The following CENPO variants were observed in gnomAD, a reference collection of about 807,000 sequenced individuals.
CENPO encodes centromere protein O, also known as centromeric protein O.
In CENPO, 30 loss-of-function variants were observed where a neutral mutation model predicts 36.1. The observed-to-expected ratio is 0.83, with a 90% CI of 0.62 to 1.13. The LOEUF is 1.13. CENPO is among the 50% of genes most tolerant of loss of function. The pLI is 0.00. For synonymous variants in CENPO, 171 were observed against 142.3 expected, an observed-to-expected ratio of 1.20 and a Z score of -1.44; for missense variants, 349 against 357.8, an observed-to-expected ratio of 0.98 and a Z score of 0.20.
In CENPO at chr2:24,793,855, G is replaced by A; in HGVS notation, c.-65G>A. On this transcript the variant is annotated 5_prime_UTR_variant, in exon 2 of 8. Transcript: ENST00000380834. ...GTTGCCATTTTTCTTTTATTAGCAA[G>A]GACATTGGAGTCCCTATCACCGGTT... 6.2e-7 allele frequency: 1 copy of A among 1,612,468 alleles called. No homozygotes were observed. The highest frequency in any genetic ancestry group is 1.7e-5 in the Admixed American group (1 of 60,030).
chr2:24,811,089 G>A (rs1369454181), intron 3 of CENPO, among the ~76,000 whole-genome samples: 4 of 150,742 alleles, frequency 2.7e-5, no homozygotes, highest in South Asian at 2.1e-4. Flanking sequence ...GATTACAGAC[G>A]TGCACCACCA....
rs1667385089 is a variant in CENPO at position 24,820,265 on chromosome 2, C to T, written c.*947C>T. On this transcript the variant is annotated 3_prime_UTR_variant, in exon 8 of 8. Coordinates refer to ENST00000380834, the MANE Select transcript of CENPO (RefSeq NM_001322101.2). ...CAAACCTCCCAGGGCCAAGCCCTTC[C>T]ACCCGTGGCGAGCAGCGGGTGGGAA... 1.7e-6 allele frequency: 2 copies of T among 1,210,952 alleles called. No individual in the cohort carries two copies. The highest frequency in any genetic ancestry group is 2.2e-6 in the Non-Finnish European group (2 of 925,234). 75.0% of individuals were successfully genotyped at this position (1,210,952 alleles called of 1,614,324 possible).
chr2:24,800,551 C>T (rs1666115744), intron 3 of CENPO, among the ~76,000 whole-genome samples: 1 of 146,612 alleles, frequency 6.8e-6, no homozygotes, highest in Admixed American at 7.1e-5. Context: ...TGTTCAATTC[C>T]CACCTATGAG....
chr2:24,815,384 A>G (rs1188488040), intron 4 of CENPO, 113 bp from the exon 5 acceptor site: 1 of 795,084 alleles, frequency 1.3e-6, no homozygotes, highest in East Asian at 2.4e-5. Context: ...TTGAACAAAC[A>G]TTTGTGTACA....
intron 3 of CENPO, among the ~76,000 whole-genome samples, chr2:24,810,674 A>C (rs1176937914): frequency 6.6e-6 from 1 of 151,732 alleles, no homozygotes; most frequent in Non-Finnish European, 1.5e-5. Flanking sequence ...TGCTCAGCTA[A>C]TTTTTGTATT....
chr2:24,795,385 A>T (rs1665850015), intron 2 of CENPO, among the ~76,000 whole-genome samples: 2 of 152,106 alleles, frequency 1.3e-5, no homozygotes, highest in Admixed American at 1.3e-4. Flanking sequence ...AGGGATTTTG[A>T]CTTTTTTTGG....
chr2:24,820,651 CGT>C lies in CENPO; in HGVS notation c.*1335_*1336del, dbSNP rs1667493716. 5 of 1,590,704 alleles carry C rather than the reference CGT, an allele frequency of 3.1e-6. No homozygotes were observed. The South Asian group carries it at 5.7e-5, about 18-fold the overall frequency. On this transcript the variant is annotated 3_prime_UTR_variant, in exon 8 of 8. Coordinates refer to ENST00000380834, the MANE Select transcript of CENPO (RefSeq NM_001322101.2). Reference sequence around the variant, plus strand: ...AGGGCCAGGGTGGGAGGCAGGGGCACGTGGGAAAGCACTGTTCCGGTTTTGTT... The same window carrying C: ...AGGGCCAGGGTGGGAGGCAGGGGCACGGGAAAGCACTGTTCCGGTTTTGTT...
chr2:24,819,979 T>G lies in CENPO; in HGVS notation c.*661T>G, dbSNP rs1386774116. On this transcript the variant is annotated 3_prime_UTR_variant, in exon 8 of 8. Transcript: ENST00000380834. ...TGGGGCAGTGTGACAGAGGGGCCATTGGGGAAGGTGGCTAGCTTATCCCGC... is the reference window on the plus strand; with the variant it reads ...TGGGGCAGTGTGACAGAGGGGCCATGGGGGAAGGTGGCTAGCTTATCCCGC... The G allele has an allele frequency of 5.6e-6, 9 of 1,613,486 alleles. No individual in the cohort carries two copies. The highest frequency in any genetic ancestry group is 1.7e-5 in the Admixed American group (1 of 59,950).
At chr2:24,816,042 A>C in intron 5 of CENPO, 1 of 410,676 alleles carries the variant, frequency 2.4e-6, no homozygotes, top group Non-Finnish European at 4.5e-6. Context: ...TATACTTTTG[A>C]TCCATCAGGG....
At chr2:24,799,879 A>T in intron 3 of CENPO, 35 bp downstream of exon 3, 1 of 1,605,106 alleles carries the variant, frequency 6.2e-7, no homozygotes, top group Non-Finnish European at 8.5e-7. Context: ...GTTCCTTTAG[A>T]GTATAATGAA....
chr2:24,819,688 G>A lies in CENPO; in HGVS notation c.*370G>A, dbSNP rs563292936. On this transcript the variant is annotated 3_prime_UTR_variant, in exon 8 of 8. Transcript: ENST00000380834. ...GGGCAAGGACGGCAGGGATTGGAAC[G>A]AGGGCTCTGGAAGGACTGTTCAGCC... is the stretch of plus-strand genomic sequence containing the variant. 2.9e-4 allele frequency: 126 copies of A among 428,608 alleles called. No individual in the cohort carries two copies. The highest frequency in any genetic ancestry group is 1.5e-3 in the Admixed American group (38 of 24,586). The allele number at this position is 428,608 out of a possible 1,614,324, so 26.6% of individuals were successfully genotyped here.
intron 3 of CENPO, among the ~76,000 whole-genome samples, chr2:24,810,883 T>C (rs2148279740): frequency 6.6e-6 from 1 of 152,294 alleles, no homozygotes; most frequent in African/African-American, 2.4e-5. Flanking sequence ...TTCTTGTAAA[T>C]AGCATAGAGC....
In CENPO at chr2:24,822,304, A is replaced by AG. The variant is rs1346743024; in HGVS notation, c.*2987dup. ...ACCATCTTAGGCCTGAGCTGTGAAC[A>AG]GCAGGGGGTTGTGTGTCTGTTCTGT... On this transcript the variant is annotated 3_prime_UTR_variant, in exon 8 of 8. Coordinates refer to ENST00000380834, the MANE Select transcript of CENPO (RefSeq NM_001322101.2). 6.3e-6 allele frequency: 4 copies of AG among 636,132 alleles called. No homozygotes were observed. Among genetic ancestry groups the AG allele is most frequent in the African/African-American group, 1.8e-5 (1 of 54,506 alleles). The allele number at this position is 636,132 out of a possible 1,614,324, so 39.4% of individuals were successfully genotyped here.
At position 24,820,659 on chromosome 2, in the gene CENPO, A is replaced by G. The variant is rs868455739; in HGVS notation, c.*1341A>G. ...GGTGGGAGGCAGGGGCACGTGGGAA[A>G]GCACTGTTCCGGTTTTGTTCTCATG... On this transcript the variant is annotated 3_prime_UTR_variant, in exon 8 of 8. Coordinates refer to ENST00000380834, the MANE Select transcript of CENPO (RefSeq NM_001322101.2). The G allele has an allele frequency of 1.0e-5, 16 of 1,600,314 alleles. No homozygotes were observed. Among genetic ancestry groups the G allele is most frequent in the Middle Eastern group, 3.3e-4 (2 of 6,008 alleles).
chr2:24,812,296 G>A (rs1170322774), intron 3 of CENPO, among the ~76,000 whole-genome samples: 1 of 152,056 alleles, frequency 6.6e-6, no homozygotes, highest in Admixed American at 6.6e-5. Context: ...TTAGTCAGGT[G>A]TTAATCTTAT....
At chr2:24,810,122 A>G (rs1394151520) in intron 3 of CENPO, among the ~76,000 whole-genome samples, 1 of 152,060 alleles carries the variant, frequency 6.6e-6, no homozygotes, top group Non-Finnish European at 1.5e-5. Flanking sequence ...ATTTTTTAAA[A>G]TCTCCCACTG....
chr2:24,813,331 G>T (rs1666787589), intron 3 of CENPO, among the ~76,000 whole-genome samples: 1 of 152,196 alleles, frequency 6.6e-6, no homozygotes, highest in Non-Finnish European at 1.5e-5. Context: ...CTGGCAAGTA[G>T]ATCGTGTATG....
chr2:24,813,769 A>G (rs1365029063), intron 3 of CENPO, among the ~76,000 whole-genome samples: 4 of 152,180 alleles, frequency 2.6e-5, no homozygotes, highest in East Asian at 3.9e-4. Flanking sequence ...TTGCATATGA[A>G]TAAGGAAATG....
At chr2:24,800,397 A>T (rs935060026) in intron 3 of CENPO, among the ~76,000 whole-genome samples, 32 of 152,282 alleles carry the variant, frequency 2.1e-4, no homozygotes, top group African/African-American at 7.5e-4. Flanking sequence ...ACATATGTAT[A>T]CATGTGCCAT....
Sources: gnomAD v4.1 joint callset for allele counts (sites outside exome capture counted in the v4.1 genomes callset) on GRCh38, gnomAD v4.1.1 for gene constraint, MANE v1.5 for transcripts, NCBI Gene and HGNC (gene_info 2026-07-23, HGNC 2026-07-21) for gene names.